The following G3BP1 variants were observed in gnomAD, a reference collection of about 807,000 sequenced individuals.
G3BP1 encodes the protein G3BP stress granule assembly factor 1, also known as ras GTPase-activating protein-binding protein 1.
In G3BP1, 35 loss-of-function variants were observed where a neutral mutation model predicts 58.6. The ratio of observed to expected loss-of-function variants is 0.60; its 90% CI spans 0.46 to 0.79. G3BP1 has a LOEUF of 0.79. G3BP1 is among the 30% of genes least tolerant of loss of function. The probability of loss-of-function intolerance (pLI) is 0.00; values close to 1 mark genes in which losing one functional copy is unlikely to be tolerated. For missense variants in G3BP1, 523 were observed against 580.8 expected (o/e 0.90, Z 1.02); for synonymous variants, 191 against 195.4 (o/e 0.98, Z 0.19).
chr5:151,795,109 C>T (rs958972109), intron 5 of G3BP1, among the ~76,000 whole-genome samples: 12 of 152,148 alleles, frequency 7.9e-5, no homozygotes, highest in Non-Finnish European at 1.5e-4. Context: ...AACCCCATCT[C>T]TACTAAAAAT....
At chr5:151,787,675 T>C (rs1184681472) in intron 2 of G3BP1, 1 of 212,086 alleles carries the variant, frequency 4.7e-6, no homozygotes, top group African/African-American at 2.4e-5. Context: ...AAACTGTCTA[T>C]TTATGTGGAC....
rs1209051788 is a variant in G3BP1, at chr5:151,806,422, A to G, written c.*2331A>G. On this transcript the variant is annotated 3_prime_UTR_variant, in exon 12 of 12. Transcript: ENST00000356245. ...TGCTGCTTGTAATTTGTTGCAGGGA[A>G]TTACTGCACAATCTCAGAAAATAGA... 6.6e-6 allele frequency: 1 copy of G among 152,176 alleles called. No homozygotes were observed. Among genetic ancestry groups the G allele is most frequent in the African/African-American group, 2.4e-5 (1 of 41,434 alleles). The allele number at this position is 152,176 out of a possible 1,614,324, so 9.4% of individuals were successfully genotyped here.
chr5:151,800,932 A>G lies in G3BP1; in HGVS notation c.1194+63A>G. The G allele has an allele frequency of 7.6e-6, 6 of 787,924 alleles. No homozygotes were observed. In the South Asian group the frequency reaches 9.2e-5, roughly 12 times the overall value. 48.8% of individuals were successfully genotyped at this position (787,924 alleles called of 1,614,324 possible). The stretch of plus-strand genomic sequence containing the variant: ...TTAAAAAGGGTTTTGGTTCTTTAGA[A>G]TATATCTTTACAGCTGGGTCTTTAT... On this transcript the variant is annotated intron_variant, in intron 11 of 11. Coordinates refer to ENST00000356245, the MANE Select transcript of G3BP1 (RefSeq NM_005754.3).
At chr5:151,794,548 AG>A (rs1762717657) in intron 5 of G3BP1, among the ~76,000 whole-genome samples, 1 of 152,244 alleles carries the variant, frequency 6.6e-6, no homozygotes, top group Non-Finnish European at 1.5e-5. Context: ...GGAGAAGGCT[AG>A]GTGATACTTC....
At chr5:151,800,666 A>T (rs1488539165) in intron 10 of G3BP1, 94 bp from the exon 11 acceptor site, 1 of 785,656 alleles carries the variant, frequency 1.3e-6, no homozygotes, top group Non-Finnish European at 2.3e-6. Flanking sequence ...CTCAGTAGTC[A>T]CATGCATCTA....
chr5:151,773,170 C>G (rs997800828), intron 1 of G3BP1, among the ~76,000 whole-genome samples: 4 of 151,396 alleles, frequency 2.6e-5, no homozygotes, highest in Non-Finnish European at 4.4e-5. Context: ...TTTTTCTCTA[C>G]TTTTTTTTTA....
chr5:151,793,175 C>G (rs573091601), intron 4 of G3BP1, among the ~76,000 whole-genome samples: 3 of 152,118 alleles, frequency 2.0e-5, no homozygotes, highest in Non-Finnish European at 2.9e-5. Context: ...GAGGTGCAGT[C>G]TGGGCTTACT....
chr5:151,801,597 C>T (rs1481935220), intron 11 of G3BP1, among the ~76,000 whole-genome samples: 2 of 152,244 alleles, frequency 1.3e-5, no homozygotes, highest in Admixed American at 6.5e-5. Context: ...TATTGTGCAA[C>T]CATTACCTTT....
At chr5:151,800,713 A>G (rs1396799319) in intron 10 of G3BP1, 47 bp from the exon 11 acceptor site, 2 of 1,135,902 alleles carry the variant, frequency 1.8e-6, no homozygotes, top group Non-Finnish European at 2.7e-6. Flanking sequence ...TGTAATGTTT[A>G]AAGATAATGG....
rs761307362 is a variant in G3BP1 at position 151,803,890 on chromosome 5, C to A, written c.1200C>A (p.Ile400=). The change falls in exon 12 of 12, where the codon ATC becomes ATA. Residue 400 remains isoleucine, a synonymous_variant. Coordinates refer to ENST00000356245, the MANE Select transcript of G3BP1 (RefSeq NM_005754.3). ...GGTCACCTTGATTCTTACAGCCCAT[C>A]ATGTTCAGAGGTGAGGTCCGTCTGA... ...PVQKVLSNRP[I]MFRGEVRLNV... The A allele has an allele frequency of 6.2e-6, 10 of 1,609,180 alleles. No individual in the cohort carries two copies. Among genetic ancestry groups the A allele is most frequent in the Admixed American group, 1.7e-5 (1 of 59,956 alleles).
At chr5:151,775,565 C>T (rs536455973) in intron 1 of G3BP1, among the ~76,000 whole-genome samples, 1 of 152,362 alleles carries the variant, frequency 6.6e-6, no homozygotes, top group East Asian at 1.9e-4. Flanking sequence ...CCTGCCCTTG[C>T]AGGCTTCTCC....
rs1762827039 is a variant in G3BP1 at position 151,800,159 on chromosome 5, G to A, written c.956-59G>A. 5.9e-6 allele frequency: 9 copies of A among 1,532,706 alleles called. No individual in the cohort carries two copies. The South Asian group carries it at 9.1e-5, about 15-fold the overall frequency. The allele number at this position is 1,532,706 out of a possible 1,614,324, so 94.9% of individuals were successfully genotyped here. A position where few individuals can be genotyped will look rare whatever the true frequency, so the allele number is the denominator to read the frequency against. On this transcript the variant is annotated intron_variant, in intron 9 of 11. Coordinates refer to ENST00000356245, the MANE Select transcript of G3BP1 (RefSeq NM_005754.3). ...GAGGGAAAACTATTGAATGTGAGCA[G>A]TCATTGAAAGATGTCTTCTTTCTCT...
At chr5:151,797,575 A>G (rs1011916807) in intron 7 of G3BP1, 147 bp downstream of exon 7, 1 of 847,594 alleles carries the variant, frequency 1.2e-6, no homozygotes, top group Admixed American at 2.9e-5. Flanking sequence ...ATATTGAGCC[A>G]TATGTTTGAT....
At chr5:151,790,789 A>ATTCTCTTTGTGTAT (rs1762637916) in intron 3 of G3BP1, 100 bp from the exon 4 acceptor site, 1 of 681,992 alleles carries the variant, frequency 1.5e-6, no homozygotes, top group Admixed American at 2.8e-5. Flanking sequence ...AAATATACAC[A>ATTCTCTTTGTGTAT]TTCTCTTTGT....
At chr5:151,801,820 T>A (rs1762856059) in intron 11 of G3BP1, among the ~76,000 whole-genome samples, 1 of 142,640 alleles carries the variant, frequency 7.0e-6, no homozygotes, top group Middle Eastern at 3.6e-3. Flanking sequence ...TATTTTTTTA[T>A]TTTTTTTTTT....
chr5:151,788,687 C>T (rs1762596342), intron 2 of G3BP1, among the ~76,000 whole-genome samples: 1 of 151,232 alleles, frequency 6.6e-6, no homozygotes, highest in South Asian at 2.1e-4. Flanking sequence ...GGTGAGAGCT[C>T]ACTGCAGCCT....
rs746449925 is a variant in G3BP1 at position 151,808,930 on chromosome 5, G to A, written c.*4839G>A. On this transcript the variant is annotated 3_prime_UTR_variant, in exon 12 of 12. Coordinates refer to ENST00000356245, the MANE Select transcript of G3BP1 (RefSeq NM_005754.3). ...GGTGGCTCATGCCTGTAATCCCAGT[G>A]CTGTGGGAGGCTGAGGCCAGAGGAT... The A allele has an allele frequency of 6.6e-6, 1 of 152,274 alleles. No individual in the cohort carries two copies. The highest frequency in any genetic ancestry group is 6.5e-5 in the Admixed American group (1 of 15,286). 9.4% of individuals were successfully genotyped at this position (152,274 alleles called of 1,614,324 possible). A position where few individuals can be genotyped will look rare whatever the true frequency, so the allele number is the denominator to read the frequency against.
At chr5:151,778,370 C>T (rs1389747038) in intron 1 of G3BP1, among the ~76,000 whole-genome samples, 1 of 152,126 alleles carries the variant, frequency 6.6e-6, no homozygotes, top group African/African-American at 2.4e-5. Context: ...TTTCATTTGG[C>T]ATTCATATAA....
Position 151,807,279 on chromosome 5 carries a change from A to G in G3BP1, c.*3188A>G, listed in dbSNP as rs1384713055. On this transcript the variant is annotated 3_prime_UTR_variant, in exon 12 of 12. Transcript: ENST00000356245. ...GAAGAAACTGAATCAGAACAGTTAA[A>G]TGACAGGCTTCCAAGTCATCCATGT... is the stretch of plus-strand genomic sequence containing the variant. 2.0e-5 allele frequency: 3 copies of G among 152,222 alleles called. No homozygotes were observed. Among genetic ancestry groups the G allele is most frequent in the Non-Finnish European group, 4.4e-5 (3 of 68,032 alleles). The allele number at this position is 152,222 out of a possible 1,614,324, so 9.4% of individuals were successfully genotyped here.
Sources: allele counts gnomAD v4.1 joint callset (sites outside exome capture counted in the v4.1 genomes callset), GRCh38; gene constraint gnomAD v4.1.1; transcripts MANE v1.5; gene names NCBI Gene and HGNC (gene_info 2026-07-23, HGNC 2026-07-21).